Variants in NFATC3 observed in about 807,000 individuals in gnomAD.
NFATC3 encodes nuclear factor of activated T cells 3, also known as nuclear factor of activated T-cells, cytoplasmic 3.
In NFATC3, 46 loss-of-function variants were observed where a neutral mutation model predicts 98.6. The observed-to-expected ratio is 0.47, with a 90% CI of 0.37 to 0.60. The LOEUF (loss-of-function observed/expected upper bound fraction) is 0.60, where lower values mean the gene tolerates loss of function less well. Among genes scored for constraint, NFATC3 ranks in the 20% least tolerant of loss-of-function variants. The pLI is 0.00. For synonymous variants in NFATC3, 512 were observed against 472.2 expected, an observed-to-expected ratio of 1.08 and a Z score of -1.09; for missense variants, 1,256 against 1,295.5, an observed-to-expected ratio of 0.97 and a Z score of 0.47.
At chr16:68,108,144 G>A (rs2035762044) in intron 1 of NFATC3, among the ~76,000 whole-genome samples, 1 of 152,114 alleles carries the variant, frequency 6.6e-6, no homozygotes, top group South Asian at 2.1e-4. Context: ...AGAAATCTTT[G>A]CCCATGCCTA....
intron 1 of NFATC3, among the ~76,000 whole-genome samples, chr16:68,101,671 G>A (rs928010590): frequency 6.6e-6 from 1 of 151,786 alleles, no homozygotes; most frequent in African/African-American, 2.4e-5. Context: ...TTTTGATAGA[G>A]ATGGGGTTTC....
chr16:68,090,045 G>A (rs1375390385), intron 1 of NFATC3, among the ~76,000 whole-genome samples: 2 of 152,046 alleles, frequency 1.3e-5, no homozygotes, highest in Non-Finnish European at 2.9e-5. Flanking sequence ...CATATGTCAA[G>A]TTGAGGAACT....
rs59909969 is a variant in NFATC3, at chr16:68,089,046, C to T, written c.103+3262C>T. The T allele has an allele frequency of 7.2e-3, 7,112 of 985,350 alleles. 33 individuals are homozygous for T. The highest frequency in any genetic ancestry group is 0.018 in the African/African-American group (1,047 of 57,326). The allele number at this position is 985,350 out of a possible 1,614,324, so 61.0% of individuals were successfully genotyped here. A position where few individuals can be genotyped will look rare whatever the true frequency, so the allele number is the denominator to read the frequency against. ...GCTCTTTCGTGGTAGAGGAAATTGA[C>T]GAGAATTGTTTCAGTTCTTTGGCTT... On this transcript the variant is annotated intron_variant, in intron 1 of 9. Coordinates refer to ENST00000346183, the MANE Select transcript of NFATC3 (RefSeq NM_173165.3).
chr16:68,170,372 A>G (rs2039401228), intron 5 of NFATC3, among the ~76,000 whole-genome samples: 1 of 146,292 alleles, frequency 6.8e-6, no homozygotes, highest in Admixed American at 6.8e-5. Context: ...CCTGGCAACA[A>G]CGAGATTCTG....
At position 68,191,531 on chromosome 16, in the gene NFATC3, T is replaced by C. The variant is rs769514951; in HGVS notation, c.2862T>C (p.Ser954=). 1 of 1,614,052 alleles carries C rather than the reference T, an allele frequency of 6.2e-7. No homozygotes were observed. Among genetic ancestry groups the C allele is most frequent in the South Asian group, 1.1e-5 (1 of 91,060 alleles). Residue 954 remains serine (S), a synonymous_variant, in exon 9 of 10, where the codon TCT becomes TCC. Transcript: ENST00000346183. ...SPQLQPMPYQ[S]PSSGTASSPS... The stretch of plus-strand genomic sequence containing the variant: ...AGCTTCAGCCTATGCCTTACCAATC[T>C]CCTAGCTCAGGAACTGCCTCATCAC...
chr16:68,209,290 C>T (rs2041276385), intron 9 of NFATC3, among the ~76,000 whole-genome samples: 1 of 152,020 alleles, frequency 6.6e-6, no homozygotes, highest in Non-Finnish European at 1.5e-5. Context: ...TAGCTAGAAC[C>T]CAGGAGGTGG....
intron 3 of NFATC3, among the ~76,000 whole-genome samples, chr16:68,140,195 T>A (rs1191840771): frequency 6.6e-6 from 1 of 152,136 alleles, no homozygotes; most frequent in African/African-American, 2.4e-5. Context: ...AGACAGGGTT[T>A]CACCATGGTG....
intron 5 of NFATC3, among the ~76,000 whole-genome samples, chr16:68,167,620 T>A (rs1206588845): frequency 6.6e-6 from 1 of 152,032 alleles, no homozygotes; most frequent in Non-Finnish European, 1.5e-5. Flanking sequence ...TAATACTTGA[T>A]CTTTAGGACA....
At chr16:68,096,681 G>A (rs1276384136) in intron 1 of NFATC3, among the ~76,000 whole-genome samples, 1 of 152,162 alleles carries the variant, frequency 6.6e-6, no homozygotes, top group East Asian at 1.9e-4. Flanking sequence ...GTACAGTTGA[G>A]CAGAATCCAG....
chr16:68,189,813 C>A (rs937417559), intron 8 of NFATC3, among the ~76,000 whole-genome samples: 2 of 152,060 alleles, frequency 1.3e-5, no homozygotes, highest in Non-Finnish European at 2.9e-5. Flanking sequence ...CCTATAATCC[C>A]AGCACTTTGG....
intron 9 of NFATC3, among the ~76,000 whole-genome samples, chr16:68,216,155 C>A (rs780130253): frequency 6.6e-6 from 1 of 152,090 alleles, no homozygotes; most frequent in Non-Finnish European, 1.5e-5. Flanking sequence ...GGAATGGGTC[C>A]TGTGGATTTT....
At chr16:68,156,423 A>G (rs938452323) in intron 3 of NFATC3, among the ~76,000 whole-genome samples, 4 of 152,226 alleles carry the variant, frequency 2.6e-5, no homozygotes, top group Non-Finnish European at 5.9e-5. Context: ...ACATGCAACA[A>G]TCTTCAACAA....
In NFATC3 at chr16:68,085,461, C is replaced by G; in HGVS notation, c.-221C>G. 2.2e-6 allele frequency: 1 copy of G among 445,038 alleles called. No individual in the cohort carries two copies. Among genetic ancestry groups the G allele is most frequent in the South Asian group, 3.2e-5 (1 of 31,226 alleles). 27.6% of individuals were successfully genotyped at this position (445,038 alleles called of 1,614,324 possible). The stretch of plus-strand genomic sequence containing the variant: ...TAAGCCGACAGTGGAGGCTTAGGCA[C>G]CGGTGGCGGGCGGCTGCGGTTCCTG... On this transcript the variant is annotated 5_prime_UTR_variant, in exon 1 of 10. Coordinates refer to ENST00000346183, the MANE Select transcript of NFATC3 (RefSeq NM_173165.3).
intron 8 of NFATC3, among the ~76,000 whole-genome samples, chr16:68,184,953 ATAAT>A (rs928280634): frequency 8.5e-5 from 13 of 152,258 alleles, no homozygotes; most frequent in Non-Finnish European, 1.9e-4. Context: ...AGATACTATT[ATAAT>A]TAATTCTATA....
intron 1 of NFATC3, among the ~76,000 whole-genome samples, chr16:68,120,033 T>C (rs866519522): frequency 6.6e-6 from 1 of 151,886 alleles, no homozygotes; most frequent in Middle Eastern, 3.4e-3. Context: ...ATCCCAGCAC[T>C]TTGGGAGGCT....
chr16:68,107,187 A>T (rs1376738971), intron 1 of NFATC3, among the ~76,000 whole-genome samples: 1 of 152,186 alleles, frequency 6.6e-6, no homozygotes, highest in East Asian at 1.9e-4. Context: ...TGCTATTGTG[A>T]ATAGTGCTGC....
chr16:68,203,044 T>C (rs529034464), intron 9 of NFATC3, among the ~76,000 whole-genome samples: 1 of 152,212 alleles, frequency 6.6e-6, no homozygotes, highest in African/African-American at 2.4e-5. Flanking sequence ...TTAGGATGAA[T>C]GATTCCAGAA....
intron 2 of NFATC3, among the ~76,000 whole-genome samples, chr16:68,124,760 C>G (rs973248516): frequency 6.8e-6 from 1 of 147,160 alleles, no homozygotes; most frequent in Non-Finnish European, 1.5e-5. Flanking sequence ...GAGACGGAAT[C>G]TCACTGTCGC....
chr16:68,206,766 T>G (rs2041161965), intron 9 of NFATC3, among the ~76,000 whole-genome samples: 1 of 152,084 alleles, frequency 6.6e-6, no homozygotes, highest in Admixed American at 6.6e-5. Context: ...GTGGATTGCC[T>G]GAGCCCAGAA....
Sources: allele counts gnomAD v4.1 joint callset (sites outside exome capture counted in the v4.1 genomes callset), GRCh38; gene constraint gnomAD v4.1.1; transcripts MANE v1.5; gene names NCBI Gene and HGNC (gene_info 2026-07-23, HGNC 2026-07-21).